The following DIPK1C variants were observed in gnomAD, a reference collection of about 807,000 sequenced individuals.
The protein encoded by DIPK1C is divergent protein kinase domain 1C.
Under a neutral mutation model 28.0 loss-of-function variants are expected in DIPK1C, and 33 were observed. That is an observed-to-expected ratio of 1.18 (90% CI 0.89 to 1.58). The LOEUF (loss-of-function observed/expected upper bound fraction) is 1.58, where lower values mean the gene tolerates loss of function less well. Among genes scored for constraint, DIPK1C ranks in the 40% most tolerant of loss-of-function variants. The pLI, the probability that DIPK1C is intolerant of heterozygous loss-of-function variation, is 0.00. For synonymous variants in DIPK1C, 255 were observed against 248.8 expected, an observed-to-expected ratio of 1.02 and a Z score of -0.23; for missense variants, 569 against 568.5, an observed-to-expected ratio of 1.00 and a Z score of -0.01.
At chr18:74,440,680 T>TA (rs1191097848) in intron 3 of DIPK1C, among the ~76,000 whole-genome samples, 2 of 152,190 alleles carry the variant, frequency 1.3e-5, no homozygotes, top group African/African-American at 4.8e-5. Context: ...AATGAATCGG[T>TA]AAGAGCCCTT....
intron 1 of DIPK1C, among the ~76,000 whole-genome samples, chr18:74,455,001 A>G (rs561735185): frequency 6.6e-6 from 1 of 152,304 alleles, no homozygotes; most frequent in African/African-American, 2.4e-5. Flanking sequence ...ATCGACACCT[A>G]GGGAGATGGA....
chr18:74,462,476 CGCTCTTCAGTT>C (rs1555700115), upstream of DIPK1C, among the ~76,000 whole-genome samples: 1 of 152,162 alleles, frequency 6.6e-6, no homozygotes, highest in Non-Finnish European at 1.5e-5. Flanking sequence ...CAGTGTTATC[CGCTCTTCAGTT>C]GAAGGACATT....
At chr18:74,437,439 ATGT>A (rs1986023456) in intron 3 of DIPK1C, among the ~76,000 whole-genome samples, 1 of 152,090 alleles carries the variant, frequency 6.6e-6, no homozygotes, top group Non-Finnish European at 1.5e-5. Flanking sequence ...CCCTGTAAAC[ATGT>A]TGTTTGTTTT....
At chr18:74,450,565 G>A (rs948994744) in intron 1 of DIPK1C, among the ~76,000 whole-genome samples, 1 of 152,208 alleles carries the variant, frequency 6.6e-6, no homozygotes, top group African/African-American at 2.4e-5. Context: ...GCAGAGTGAG[G>A]AGGGTGCCTA....
intron 1 of DIPK1C, among the ~76,000 whole-genome samples, chr18:74,449,924 G>A (rs149570838): frequency 3.7e-4 from 56 of 152,288 alleles, no homozygotes; most frequent in Admixed American, 2.4e-3. Context: ...GTCATGAAAG[G>A]TGCATGGGAG....
At chr18:74,463,302 T>A in the DIPK1C span, among the ~76,000 whole-genome samples, 5 of 152,324 alleles carry the variant, frequency 3.3e-5, no homozygotes, top group African/African-American at 1.2e-4. Flanking sequence ...TTTGCGATGC[T>A]TTTGTTGTTT....
rs1985994674 is a variant in DIPK1C, at chr18:74,436,495, G to A, written c.*6C>T. On this transcript the variant is annotated 3_prime_UTR_variant, in exon 4 of 4. Coordinates refer to ENST00000343998, the MANE Select transcript of DIPK1C (RefSeq NM_001044369.3). ...CTGTGTGAGCATGTTTAAGGCCAGA[G>A]AGTGGCTACTTCTCTGCCTCCTGCA... The A allele has an allele frequency of 3.8e-6, 6 of 1,591,446 alleles. No individual in the cohort carries two copies. In the South Asian group the frequency reaches 6.8e-5, roughly 18 times the overall value.
chr18:74,460,179 G>T (rs1055259115), upstream of DIPK1C, among the ~76,000 whole-genome samples: 10 of 152,212 alleles, frequency 6.6e-5, no homozygotes, highest in African/African-American at 2.4e-4. Flanking sequence ...GATGTCCTCC[G>T]AGTTCCCGAC....
chr18:74,458,030 ATATT>A (rs1986558252), upstream of DIPK1C: 1 of 152,240 alleles, frequency 6.6e-6, no homozygotes, highest in Non-Finnish European at 1.5e-5. Flanking sequence ...GTCTAAGTCT[ATATT>A]TATAGATTCG....
chr18:74,442,083 C>A lies in DIPK1C; in HGVS notation c.910G>T (p.Glu304Ter). 1.2e-6 allele frequency: 2 copies of A among 1,612,880 alleles called. No homozygotes were observed. Among genetic ancestry groups the A allele is most frequent in the Non-Finnish European group, 1.7e-6 (2 of 1,179,712 alleles). ...VAIDVDMAFF[E>*]PKMREILEQN... Reference sequence around the variant, plus strand: ...TCAAGGATTTCCCTCATTTTAGGTTCAAAAAAGGCCATGTCCACATCAATA... The same window carrying A: ...TCAAGGATTTCCCTCATTTTAGGTTAAAAAAAGGCCATGTCCACATCAATA... The change falls in exon 3 of 4, where the codon GAA becomes TAA. Residue 304 changes from glutamate (E) to a stop codon, truncating the protein, a stop_gained. Coordinates refer to ENST00000343998, the MANE Select transcript of DIPK1C (RefSeq NM_001044369.3). LOFTEE classifies it high-confidence loss of function.
intron 1 of DIPK1C, among the ~76,000 whole-genome samples, chr18:74,456,724 G>T (rs967804151): frequency 6.6e-6 from 1 of 152,220 alleles, no homozygotes; most frequent in Non-Finnish European, 1.5e-5. Context: ...CACCGGACGC[G>T]GCACCTCCCT....
intron 3 of DIPK1C, 138 bp from the exon 4 acceptor site, chr18:74,436,857 G>C: frequency 1.3e-6 from 1 of 749,522 alleles, no homozygotes; most frequent in South Asian, 1.9e-5. Context: ...ACACTCCAGA[G>C]ACCATCCGAT....
intron 3 of DIPK1C, among the ~76,000 whole-genome samples, chr18:74,439,228 T>G (rs1009535481): frequency 7.2e-5 from 11 of 152,168 alleles, no homozygotes; most frequent in Admixed American, 6.5e-4. Flanking sequence ...CTCCCAGCTT[T>G]TTCTGGTACC....
upstream of DIPK1C, among the ~76,000 whole-genome samples, chr18:74,457,462 C>A (rs1000520901): frequency 1.3e-5 from 2 of 151,984 alleles, no homozygotes; most frequent in South Asian, 2.1e-4. Flanking sequence ...CCCCGAGCAC[C>A]CACTGGGGGT....
In DIPK1C at chr18:74,436,330, C is replaced by A; in HGVS notation, c.*171G>T. On this transcript the variant is annotated 3_prime_UTR_variant, in exon 4 of 4. Transcript: ENST00000343998. ...CGACAGGTCAGAGGCCAGGGTGGGA[C>A]GAGAGCGAGGGAGCACTGTCTCTGG... is the stretch of plus-strand genomic sequence containing the variant. The A allele has an allele frequency of 1.5e-6, 1 of 660,266 alleles. No individual in the cohort carries two copies. Among genetic ancestry groups the A allele is most frequent in the Non-Finnish European group, 2.5e-6 (1 of 395,010 alleles). The allele number at this position is 660,266 out of a possible 1,614,324, so 40.9% of individuals were successfully genotyped here.
intron 2 of DIPK1C, among the ~76,000 whole-genome samples, chr18:74,442,961 G>A (rs931976383): frequency 6.6e-6 from 1 of 152,234 alleles, no homozygotes; most frequent in African/African-American, 2.4e-5. Context: ...GAGAAACTGA[G>A]GCGGGCAGTG....
Position 74,436,276 on chromosome 18 carries a change from C to T in DIPK1C, c.*225G>A, listed in dbSNP as rs1025170710. On this transcript the variant is annotated 3_prime_UTR_variant, in exon 4 of 4. Coordinates refer to ENST00000343998, the MANE Select transcript of DIPK1C (RefSeq NM_001044369.3). Reference sequence around the variant, plus strand: ...GAGCCCTCCTGAAGGGAGGTCTGTACCTCCTCCCTCATCTCATTTTACACA... The same window carrying T: ...GAGCCCTCCTGAAGGGAGGTCTGTATCTCCTCCCTCATCTCATTTTACACA... The T allele has an allele frequency of 7.2e-6, 4 of 554,428 alleles. No individual in the cohort carries two copies. The highest frequency in any genetic ancestry group is 1.3e-5 in the Non-Finnish European group (4 of 315,576). The allele number at this position is 554,428 out of a possible 1,614,324, so 34.3% of individuals were successfully genotyped here.
Position 74,446,665 on chromosome 18 carries a change from G to T in DIPK1C, c.817C>A (p.His273Asn). The T allele has an allele frequency of 6.6e-7, 1 of 1,510,698 alleles. No individual in the cohort carries two copies. Among genetic ancestry groups the T allele is most frequent in the Non-Finnish European group, 8.9e-7 (1 of 1,128,054 alleles). 93.6% of individuals were successfully genotyped at this position (1,510,698 alleles called of 1,614,324 possible). Residue 273 changes from histidine (H) to asparagine (N), a missense_variant, in exon 2 of 4, where the codon CAC becomes AAC. Transcript: ENST00000343998. ...MVNHFDSDFS[H>N]RLHLCDIKPE... Reference sequence around the variant, plus strand: ...TTGATGTCGCAGAGGTGGAGGCGGTGGGAAAAGTCACTGTCAAAATGGTTC... The same window carrying T: ...TTGATGTCGCAGAGGTGGAGGCGGTTGGAAAAGTCACTGTCAAAATGGTTC...
At chr18:74,442,550 C>T (rs376533193) in intron 2 of DIPK1C, among the ~76,000 whole-genome samples, 20 of 152,258 alleles carry the variant, frequency 1.3e-4, no homozygotes, top group South Asian at 4.1e-4. Flanking sequence ...AGGATGGTCT[C>T]GATCTCCTGA....
Sources: gnomAD v4.1 joint callset for allele counts (sites outside exome capture counted in the v4.1 genomes callset) on GRCh38, gnomAD v4.1.1 for gene constraint, MANE v1.5 for transcripts, NCBI Gene and HGNC (gene_info 2026-07-23, HGNC 2026-07-21) for gene names.